The following WDFY2 variants were observed in gnomAD, a reference collection of about 807,000 sequenced individuals.
WDFY2 encodes WD repeat and FYVE domain-containing protein 2.
WDFY2 carries 36 observed loss-of-function variants against 56.4 expected under a neutral mutation model. The ratio of observed to expected loss-of-function variants is 0.64; its 90% CI spans 0.49 to 0.84. WDFY2 has a LOEUF of 0.84. WDFY2 is among the 40% of genes least tolerant of loss of function. The pLI is 0.00. For synonymous variants in WDFY2, 176 were observed against 183.7 expected, an observed-to-expected ratio of 0.96 and a Z score of 0.34; for missense variants, 444 against 512.2, an observed-to-expected ratio of 0.87 and a Z score of 1.29.
intron 1 of WDFY2, among the ~76,000 whole-genome samples, chr13:51,659,065 T>C (rs1177458858): frequency 6.6e-6 from 1 of 152,100 alleles, no homozygotes; most frequent in Non-Finnish European, 1.5e-5. Context: ...TAGCTGGGAT[T>C]ATGGGCGTCC....
intron 4 of WDFY2, among the ~76,000 whole-genome samples, chr13:51,707,732 C>G (rs1225669628): frequency 6.6e-6 from 1 of 151,758 alleles, no homozygotes; most frequent in African/African-American, 2.4e-5. Context: ...GTATGAATCT[C>G]TTTAAAAGAC....
At chr13:51,758,409 G>A (rs1953468098) in intron 11 of WDFY2, 109 bp downstream of exon 11, 2 of 696,342 alleles carry the variant, frequency 2.9e-6, no homozygotes, top group Admixed American at 2.4e-5. Flanking sequence ...TGGGTAGCCG[G>A]CCATGGTGGC....
At chr13:51,598,836 C>T (rs1006691664) in intron 1 of WDFY2, 1 of 151,816 alleles carries the variant, frequency 6.6e-6, no homozygotes, top group Non-Finnish European at 1.5e-5. Flanking sequence ...GCAGGCTTTC[C>T]CCAGACAAAT....
chr13:51,640,411 C>T lies in WDFY2; in HGVS notation c.138-20185C>T, dbSNP rs1302715578. Among the ~76,000 whole-genome samples, 5 of 152,188 alleles carry T rather than the reference C, an allele frequency of 3.3e-5. No homozygotes were observed. The East Asian group carries it at 9.6e-4, about 29-fold the overall frequency. On this transcript the variant is annotated intron_variant, in intron 1 of 11. Transcript: ENST00000298125. ...TCAGTCGTATTTCATGCATCTACTC[C>T]TTCCACCCTTTGTTGGGTATGGATG...
chr13:51,711,122 G>A (rs956379620), intron 4 of WDFY2, among the ~76,000 whole-genome samples: 8 of 141,666 alleles, frequency 5.6e-5, no homozygotes, highest in South Asian at 2.3e-4. Flanking sequence ...TAGAGCCCTC[G>A]GAAATAATAC....
At chr13:51,705,570 T>G (rs1347973104) in intron 4 of WDFY2, among the ~76,000 whole-genome samples, 3 of 151,610 alleles carry the variant, frequency 2.0e-5, no homozygotes, top group Non-Finnish European at 4.4e-5. Context: ...TTTTTTTCTT[T>G]GTTTTTTTTT....
At chr13:51,665,955 C>A (rs1045556106) in intron 2 of WDFY2, among the ~76,000 whole-genome samples, 4 of 152,192 alleles carry the variant, frequency 2.6e-5, no homozygotes, top group African/African-American at 7.2e-5. Flanking sequence ...GTCTTGTCAC[C>A]TTCCCAGTTC....
At chr13:51,610,133 A>T (rs945688983) in intron 1 of WDFY2, among the ~76,000 whole-genome samples, 6 of 151,948 alleles carry the variant, frequency 3.9e-5, no homozygotes, top group African/African-American at 1.5e-4. Context: ...GTGTGCATAG[A>T]TGGAGAGTCT....
chr13:51,742,742 G>A (rs1406500247), intron 7 of WDFY2, among the ~76,000 whole-genome samples: 2 of 152,038 alleles, frequency 1.3e-5, no homozygotes, highest in African/African-American at 4.8e-5. Flanking sequence ...TATTCCTCAT[G>A]TTGGAACCCT....
At chr13:51,630,881 C>T (rs753210204) in intron 1 of WDFY2, among the ~76,000 whole-genome samples, 5 of 151,130 alleles carry the variant, frequency 3.3e-5, no homozygotes, top group Non-Finnish European at 5.9e-5. Context: ...TGGATTTAAG[C>T]GATTCTCCTG....
At chr13:51,701,695 A>G (rs889678017) in intron 3 of WDFY2, among the ~76,000 whole-genome samples, 3 of 152,094 alleles carry the variant, frequency 2.0e-5, no homozygotes, top group African/African-American at 4.8e-5. Context: ...GCAAACCTCT[A>G]TTACGTTGTG....
chr13:51,651,321 C>T (rs1337806969), intron 1 of WDFY2, among the ~76,000 whole-genome samples: 1 of 152,046 alleles, frequency 6.6e-6, no homozygotes, highest in Non-Finnish European at 1.5e-5. Flanking sequence ...CTTTATTAGT[C>T]TTGCTAGTGG....
At chr13:51,635,240 C>G in intron 1 of WDFY2, among the ~76,000 whole-genome samples, 1 of 152,102 alleles carries the variant, frequency 6.6e-6, no homozygotes, top group East Asian at 1.9e-4. Flanking sequence ...ACTGCACCCC[C>G]GGCAGGAAGT....
intron 10 of WDFY2, among the ~76,000 whole-genome samples, chr13:51,756,927 C>T (rs1280233373): frequency 6.6e-6 from 1 of 152,202 alleles, no homozygotes; most frequent in Non-Finnish European, 1.5e-5. Context: ...CAGCTGGCTG[C>T]TTGTCAGACC....
intron 1 of WDFY2, among the ~76,000 whole-genome samples, chr13:51,636,031 C>T (rs189430908): frequency 3.0e-4 from 46 of 152,236 alleles, no homozygotes; most frequent in African/African-American, 1.0e-3. Context: ...GAATGCCCAC[C>T]GGAAGTTTCA....
chr13:51,642,530 T>C (rs1204172445), intron 1 of WDFY2, among the ~76,000 whole-genome samples: 1 of 152,066 alleles, frequency 6.6e-6, no homozygotes, highest in African/African-American at 2.4e-5. Flanking sequence ...ACTCTTGAGC[T>C]CAAGTGATCC....
chr13:51,600,547 A>C (rs1326085942), intron 1 of WDFY2, among the ~76,000 whole-genome samples: 1 of 152,208 alleles, frequency 6.6e-6, no homozygotes, highest in Non-Finnish European at 1.5e-5. Flanking sequence ...AGTCTAGATA[A>C]GCAGGGAGAG....
intron 1 of WDFY2, among the ~76,000 whole-genome samples, chr13:51,595,933 G>A (rs532375377): frequency 5.7e-4 from 87 of 152,226 alleles, no homozygotes; most frequent in Non-Finnish European, 1.1e-3. Flanking sequence ...AGAGAAGCCT[G>A]GATTTGACTC....
At chr13:51,736,553 C>T (rs895889153) in intron 6 of WDFY2, among the ~76,000 whole-genome samples, 1 of 152,140 alleles carries the variant, frequency 6.6e-6, no homozygotes, top group African/African-American at 2.4e-5. Context: ...AGTGCAGTGG[C>T]GTGATCTCTG....
Sources: allele counts gnomAD v4.1 joint callset (sites outside exome capture counted in the v4.1 genomes callset), GRCh38; gene constraint gnomAD v4.1.1; transcripts MANE v1.5; gene names NCBI Gene and HGNC (gene_info 2026-07-23, HGNC 2026-07-21).